Variants in PPFIA2 observed in about 807,000 individuals in gnomAD.
PPFIA2 encodes liprin-alpha-2.
PPFIA2 carries 46 observed loss-of-function variants against 175.5 expected under a neutral mutation model. The ratio of observed to expected loss-of-function variants is 0.26; its 90% CI spans 0.21 to 0.34. The LOEUF (loss-of-function observed/expected upper bound fraction) is 0.34. Among genes scored for constraint, PPFIA2 ranks in the 10% least tolerant of loss-of-function variants. The pLI is 1.00. For synonymous variants in PPFIA2, 568 were observed against 511.4 expected (o/e 1.11, Z -1.49); for missense variants, 1,179 against 1,506.1 (o/e 0.78, Z 3.60).
intron 4 of PPFIA2, among the ~76,000 whole-genome samples, chr12:81,532,998 T>C (rs781179017): frequency 2.0e-4 from 31 of 151,738 alleles, no homozygotes; most frequent in Non-Finnish European, 3.5e-4. Context: ...GTTTCTTATG[T>C]ATTTGGTTTT....
chr12:81,416,576 T>C (rs1312361544), intron 7 of PPFIA2, among the ~76,000 whole-genome samples: 2 of 151,606 alleles, frequency 1.3e-5, no homozygotes, highest in Non-Finnish European at 3.0e-5. Context: ...GGGAAATAGG[T>C]GTCTCACAGT....
chr12:81,341,307 T>C, intron 19 of PPFIA2, 99 bp from the exon 20 acceptor site: 2 of 1,193,682 alleles, frequency 1.7e-6, no homozygotes, highest in Non-Finnish European at 2.3e-6. Context: ...CGAGTAATTT[T>C]AATACAAAAT....
intron 4 of PPFIA2, among the ~76,000 whole-genome samples, chr12:81,573,919 C>T (rs1384655098): frequency 6.6e-6 from 1 of 151,782 alleles, no homozygotes; most frequent in Non-Finnish European, 1.5e-5. Context: ...AAAAAAGAAA[C>T]AATTTGTAAA....
rs961634910 is a variant in PPFIA2 at position 81,582,731 on chromosome 12, T to TA, written c.303+94059dup. Among the ~76,000 whole-genome samples the TA allele has an allele frequency of 4.3e-4, 65 of 151,284 alleles. 1 individual carries two copies. Among genetic ancestry groups the TA allele is most frequent in the African/African-American group, 7.0e-4 (29 of 41,336 alleles). ...ATTTCAGTTACAATATTTTACAAGG[T>TA]AAAAAAAAATCTTCAAATTTGTATT... On this transcript the variant is annotated intron_variant, in intron 4 of 32. Transcript: ENST00000549396.
intron 4 of PPFIA2, among the ~76,000 whole-genome samples, chr12:81,617,909 T>C (rs1371116443): frequency 1.3e-5 from 2 of 152,166 alleles, no homozygotes; most frequent in African/African-American, 4.8e-5. Context: ...TGAAACTGTA[T>C]GTGACAGTGG....
At chr12:81,427,121 G>A (rs1566781525) in intron 7 of PPFIA2, among the ~76,000 whole-genome samples, 2 of 151,978 alleles carry the variant, frequency 1.3e-5, no homozygotes, top group South Asian at 4.1e-4. Context: ...GATAATTCAT[G>A]TATATATACT....
Position 81,258,134 on chromosome 12 carries a change from T to C in PPFIA2, c.*1560A>G, listed in dbSNP as rs1470392117. 1.3e-5 allele frequency: 2 copies of C among 152,120 alleles called. No individual in the cohort carries two copies. The highest frequency in any genetic ancestry group is 4.1e-4 in the South Asian group (2 of 4,828). 9.4% of individuals were successfully genotyped at this position (152,120 alleles called of 1,614,324 possible). A position where few individuals can be genotyped will look rare whatever the true frequency, so the allele number is the denominator to read the frequency against. On this transcript the variant is annotated 3_prime_UTR_variant, in exon 33 of 33. Coordinates refer to ENST00000549396, the MANE Select transcript of PPFIA2 (RefSeq NM_003625.5). ...TTTTAAGATCACTCCCATAAGCAAG[T>C]TTAGATCTCCCTCTTGTGGCAGACT...
intron 3 of PPFIA2, among the ~76,000 whole-genome samples, chr12:81,712,304 T>C (rs1180846419): frequency 1.3e-5 from 2 of 151,458 alleles, no homozygotes; most frequent in Non-Finnish European, 2.9e-5. Flanking sequence ...TGTTGAGATT[T>C]ATATAAATAT....
intron 12 of PPFIA2, 93 bp from the exon 13 acceptor site, chr12:81,368,949 C>A: frequency 1.4e-6 from 2 of 1,427,526 alleles, no homozygotes; most frequent in South Asian, 1.3e-5. Flanking sequence ...TTTAATTTTA[C>A]ATCTGTTTTG....
intron 4 of PPFIA2, among the ~76,000 whole-genome samples, chr12:81,487,489 T>C (rs1415033941): frequency 6.6e-6 from 1 of 151,764 alleles, no homozygotes; most frequent in East Asian, 1.9e-4. Context: ...ACTATTATTA[T>C]TATTATTATT....
intron 4 of PPFIA2, among the ~76,000 whole-genome samples, chr12:81,516,750 T>C (rs983495659): frequency 6.6e-6 from 1 of 152,222 alleles, no homozygotes; most frequent in Admixed American, 6.5e-5. Flanking sequence ...GACTGTGAGA[T>C]AACAAATTTC....
intron 5 of PPFIA2, among the ~76,000 whole-genome samples, chr12:81,455,179 A>C (rs1487666018): frequency 6.6e-6 from 1 of 152,220 alleles, no homozygotes; most frequent in Admixed American, 6.5e-5. Flanking sequence ...TAAAATCTAT[A>C]AAAATGGTTT....
At chr12:81,624,053 G>A (rs1447579379) in intron 4 of PPFIA2, among the ~76,000 whole-genome samples, 6 of 151,852 alleles carry the variant, frequency 4.0e-5, no homozygotes, top group South Asian at 2.1e-4. Context: ...CATGTGAAAT[G>A]GTGAATAGGA....
rs140321006 is a variant in PPFIA2 at position 81,589,478 on chromosome 12, A to C, written c.303+87313T>G. ...GGAAAATACTATCAGTAACGACTAC[A>C]TGAGGGGGTGTAGTTAAATAAAAGC... On this transcript the variant is annotated intron_variant, in intron 4 of 32. Coordinates refer to ENST00000549396, the MANE Select transcript of PPFIA2 (RefSeq NM_003625.5). Among the ~76,000 whole-genome samples, 172 of 152,242 alleles carry C rather than the reference A, an allele frequency of 1.1e-3. 4 individuals are homozygous for C. In the East Asian group the frequency reaches 0.032, roughly 28 times the overall value.
At chr12:81,512,479 T>TA in intron 4 of PPFIA2, 1 of 397,290 alleles carries the variant, frequency 2.5e-6, no homozygotes, top group Non-Finnish European at 3.9e-6. Flanking sequence ...CATTAGTTTT[T>TA]ATTGCACTTA....
At chr12:81,353,491 T>TA (rs2060367745) in intron 16 of PPFIA2, among the ~76,000 whole-genome samples, 152 bp from the exon 17 acceptor site, 1 of 152,202 alleles carries the variant, frequency 6.6e-6, no homozygotes, top group Admixed American at 6.5e-5. Context: ...TTTGCTTCCA[T>TA]AAAATAGTTC....
At chr12:81,389,744 A>G (rs2039753057) in intron 8 of PPFIA2, among the ~76,000 whole-genome samples, 1 of 152,120 alleles carries the variant, frequency 6.6e-6, no homozygotes, top group African/African-American at 2.4e-5. Context: ...ACTTTAATTT[A>G]AATGACAAAT....
Position 81,284,308 on chromosome 12 carries a change from TGAGGAGGCCCA to T in PPFIA2, c.2926-16_2926-6del. The T allele has an allele frequency of 6.3e-7, 1 of 1,576,444 alleles. No homozygotes were observed. Among genetic ancestry groups the T allele is most frequent in the Non-Finnish European group, 8.7e-7 (1 of 1,150,294 alleles). On this transcript the variant is annotated splice_region_variant and splice_polypyrimidine_tract_variant and intron_variant, in intron 24 of 32. Coordinates refer to ENST00000549396, the MANE Select transcript of PPFIA2 (RefSeq NM_003625.5). ...CACCCAAACGTTGCCTGAAGGCTAG[TGAGGAGGCCCA>T]GAGGGAAGCAGAGGAATCCATGGGA...
intron 22 of PPFIA2, among the ~76,000 whole-genome samples, chr12:81,308,995 G>C (rs75402661): frequency 0.021 from 3,163 of 152,172 alleles, 71 homozygotes; most frequent in East Asian, 0.091. Flanking sequence ...TATGTGGCTT[G>C]ATAAGAATGA....
Sources: gnomAD v4.1 joint callset for allele counts (sites outside exome capture counted in the v4.1 genomes callset) on GRCh38, gnomAD v4.1.1 for gene constraint, MANE v1.5 for transcripts, NCBI Gene and HGNC (gene_info 2026-07-23, HGNC 2026-07-21) for gene names.